The following ACVR2A variants were observed in gnomAD, a reference collection of about 807,000 sequenced individuals.
ACVR2A encodes activin receptor type-2A.
ACVR2A carries 7 observed loss-of-function variants against 61.4 expected under a neutral mutation model. The observed-to-expected ratio is 0.11, with a 90% CI of 0.06 to 0.21. The LOEUF (loss-of-function observed/expected upper bound fraction) is 0.21. Ranked by LOEUF, ACVR2A falls within the 10% of genes least tolerant of loss-of-function variation. ACVR2A has a pLI of 1.00. For synonymous variants in ACVR2A, 193 were observed against 208.3 expected (o/e 0.93, Z 0.63); for missense variants, 322 against 621.7 (o/e 0.52, Z 5.13).
intron 1 of ACVR2A, among the ~76,000 whole-genome samples, chr2:147,862,085 C>CA (rs1417581440): frequency 6.6e-6 from 1 of 152,030 alleles, no homozygotes; most frequent in Non-Finnish European, 1.5e-5. Context: ...TTTGTAGTAG[C>CA]AAAAAATGCT....
Position 147,907,539 on chromosome 2 carries a change from T to A in ACVR2A, c.528+7641T>A, listed in dbSNP as rs1558810265. 2.0e-5 allele frequency among the ~76,000 whole-genome samples: 3 copies of A among 152,304 alleles called. No homozygotes were observed. In the East Asian group the frequency reaches 5.8e-4, roughly 29 times the overall value. ...CTTTTTAATAATCAGCCATTCTGAC[T>A]GTTGTGAGATGCTATCTCATTGTAG... On this transcript the variant is annotated intron_variant, in intron 4 of 10. Coordinates refer to ENST00000241416, the MANE Select transcript of ACVR2A (RefSeq NM_001616.5).
intron 7 of ACVR2A, among the ~76,000 whole-genome samples, chr2:147,919,387 C>T (rs1687326393): frequency 6.6e-6 from 1 of 152,122 alleles, no homozygotes; most frequent in Non-Finnish European, 1.5e-5. Flanking sequence ...TCGATTTTCC[C>T]TTGCCCTACC....
At chr2:147,846,909 C>T (rs942665279) in intron 1 of ACVR2A, among the ~76,000 whole-genome samples, 2 of 152,092 alleles carry the variant, frequency 1.3e-5, no homozygotes, top group Non-Finnish European at 2.9e-5. Flanking sequence ...ACATTATTCC[C>T]TCTCAAACCC....
chr2:147,907,553 A>G (rs897757476), intron 4 of ACVR2A, among the ~76,000 whole-genome samples: 9 of 152,152 alleles, frequency 5.9e-5, no homozygotes, highest in African/African-American at 1.2e-4. Flanking sequence ...GTGAGATGCT[A>G]TCTCATTGTA....
At chr2:147,901,146 A>G (rs1317344399) in intron 4 of ACVR2A, among the ~76,000 whole-genome samples, 3 of 152,028 alleles carry the variant, frequency 2.0e-5, no homozygotes, top group Admixed American at 1.3e-4. Flanking sequence ...AAGTTTTAGT[A>G]CCTAGTCTAT....
chr2:147,853,847 A>C (rs1038851410), intron 1 of ACVR2A, among the ~76,000 whole-genome samples: 1 of 152,112 alleles, frequency 6.6e-6, no homozygotes, highest in Non-Finnish European at 1.5e-5. Flanking sequence ...GTGATATATC[A>C]AGCTTGCTCC....
intron 1 of ACVR2A, among the ~76,000 whole-genome samples, chr2:147,890,399 A>G (rs1686553861): frequency 2.0e-5 from 3 of 151,390 alleles, no homozygotes; most frequent in Non-Finnish European, 2.9e-5. Flanking sequence ...CTTTATATAT[A>G]GTAGCATGTA....
At chr2:147,904,939 C>T (rs1321917956) in intron 4 of ACVR2A, among the ~76,000 whole-genome samples, 1 of 151,956 alleles carries the variant, frequency 6.6e-6, no homozygotes, top group Non-Finnish European at 1.5e-5. Flanking sequence ...AGAAACATGT[C>T]TTGAAATAGG....
At chr2:147,860,322 C>T (rs1336591561) in intron 1 of ACVR2A, among the ~76,000 whole-genome samples, 1 of 152,016 alleles carries the variant, frequency 6.6e-6, no homozygotes, top group Admixed American at 6.6e-5. Context: ...CCTGGCCACC[C>T]AGATGGGTTG....
At chr2:147,898,030 C>A (rs1686783977) in intron 2 of ACVR2A, among the ~76,000 whole-genome samples, 1 of 152,004 alleles carries the variant, frequency 6.6e-6, no homozygotes, top group Non-Finnish European at 1.5e-5. Flanking sequence ...TTGCTCTTTA[C>A]CTAAAGACAA....
At chr2:147,897,609 T>G (rs1475235828) in intron 2 of ACVR2A, among the ~76,000 whole-genome samples, 2 of 152,166 alleles carry the variant, frequency 1.3e-5, no homozygotes, top group East Asian at 3.9e-4. Flanking sequence ...ACTAGATACT[T>G]CTGGATCACT....
intron 4 of ACVR2A, among the ~76,000 whole-genome samples, chr2:147,909,660 TGAG>T (rs1253612332): frequency 3.3e-5 from 5 of 152,198 alleles, no homozygotes; most frequent in East Asian, 1.9e-4. Context: ...TTTTTGGAGA[TGAG>T]GTATCACTCT....
intron 1 of ACVR2A, among the ~76,000 whole-genome samples, chr2:147,886,321 T>C (rs1335067661): frequency 1.3e-5 from 2 of 152,202 alleles, no homozygotes; most frequent in Admixed American, 1.3e-4. Flanking sequence ...ATTTGAAACT[T>C]CATTAACTCT....
chr2:147,845,250 CGCGGCGGCCGCTGCTGGGG>C, intron 1 of ACVR2A, 43 bp downstream of exon 1: 1 of 1,583,916 alleles, frequency 6.3e-7, no homozygotes. Context: ...CTCCTGCGGC[CGCGGCGGCCGCTGCTGGGG>C]GCCGCGGCTG....
At chr2:147,863,911 G>GATGCATT (rs1685789742) in intron 1 of ACVR2A, among the ~76,000 whole-genome samples, 1 of 152,180 alleles carries the variant, frequency 6.6e-6, no homozygotes, top group Non-Finnish European at 1.5e-5. Flanking sequence ...AATGTTCAAA[G>GATGCATT]TAAATGCATC....
intron 1 of ACVR2A, among the ~76,000 whole-genome samples, chr2:147,873,592 G>A (rs1291772190): frequency 6.6e-6 from 1 of 151,862 alleles, no homozygotes; most frequent in African/African-American, 2.4e-5. Context: ...CATAAGAGGA[G>A]CAAATATGAA....
intron 1 of ACVR2A, among the ~76,000 whole-genome samples, chr2:147,893,765 T>C (rs1338473872): frequency 6.6e-6 from 1 of 152,212 alleles, no homozygotes; most frequent in Non-Finnish European, 1.5e-5. Context: ...GCCGTTATAT[T>C]TTCTGAGCAT....
intron 4 of ACVR2A, among the ~76,000 whole-genome samples, chr2:147,912,244 A>G (rs1423389224): frequency 6.6e-6 from 1 of 151,944 alleles, no homozygotes; most frequent in East Asian, 1.9e-4. Flanking sequence ...TCATTTCAGT[A>G]TGTGTTCTGA....
intron 1 of ACVR2A, among the ~76,000 whole-genome samples, chr2:147,846,865 A>AG (rs1685325174): frequency 6.6e-6 from 1 of 151,982 alleles, no homozygotes; most frequent in Admixed American, 6.5e-5. Flanking sequence ...CTTGAGGAGG[A>AG]GGGGCATCAT....
Sources: gnomAD v4.1 joint callset for allele counts (sites outside exome capture counted in the v4.1 genomes callset) on GRCh38, gnomAD v4.1.1 for gene constraint, MANE v1.5 for transcripts, NCBI Gene and HGNC (gene_info 2026-07-23, HGNC 2026-07-21) for gene names.